ISCA2: variants seen among roughly 807,000 people sequenced by gnomAD.
ISCA2 encodes the protein iron-sulfur cluster assembly 2.
A neutral mutation model predicts 19.1 loss-of-function variants in ISCA2; 21 were observed. The ratio of observed to expected loss-of-function variants is 1.10; its 90% confidence interval spans 0.78 to 1.59. The LOEUF is 1.59. Ranked by LOEUF, ISCA2 falls within the 40% of genes most tolerant of loss-of-function variation. ISCA2 has a pLI of 0.00. For synonymous variants in ISCA2, 107 were observed against 83.8 expected (o/e 1.28, Z -1.51); for missense variants, 181 against 191.7 (o/e 0.94, Z 0.33).
chr14:74,495,256 G>A lies in ISCA2; in HGVS notation c.*256G>A, dbSNP rs538690645. On this transcript the variant is annotated 3_prime_UTR_variant, in exon 4 of 4. Transcript: ENST00000556816. ...AGATTTAATCACTGGTTGAAACTCCGTATAATCTGTAGAGCCTCCATGGCT... is the reference window on the plus strand; with the variant it reads ...AGATTTAATCACTGGTTGAAACTCCATATAATCTGTAGAGCCTCCATGGCT... The A allele has an allele frequency of 2.5e-5, 10 of 402,652 alleles. No individual in the cohort carries two copies. Among genetic ancestry groups the A allele is most frequent in the Admixed American group, 1.7e-4 (4 of 23,994 alleles). 24.9% of individuals were successfully genotyped at this position (402,652 alleles called of 1,614,324 possible).
Sources: allele counts gnomAD v4.1 joint callset, GRCh38; gene constraint gnomAD v4.1.1; transcripts MANE v1.5; gene names NCBI Gene and HGNC (gene_info 2026-07-23, HGNC 2026-07-21).